Variants in GRIK2 observed in about 807,000 individuals in gnomAD.
GRIK2 encodes glutamate ionotropic receptor kainate type subunit 2.
In GRIK2, 32 loss-of-function variants were observed where a neutral mutation model predicts 100.3. The observed-to-expected ratio is 0.32, with a 90% CI of 0.24 to 0.43. GRIK2 has a LOEUF of 0.43. GRIK2 is among the 20% of genes least tolerant of loss of function. The pLI, the probability that GRIK2 is intolerant of heterozygous loss-of-function variation, is 1.00. For synonymous variants in GRIK2, 417 were observed against 389.4 expected (o/e 1.07, Z -0.83); for missense variants, 843 against 1,114.9 (o/e 0.76, Z 3.47).
In GRIK2 at chr6:101,435,826, T is replaced by C. The variant is rs142361858; in HGVS notation, c.115+36434T>C. Among the ~76,000 whole-genome samples, 22 of 152,232 alleles carry C rather than the reference T, an allele frequency of 1.4e-4. 1 individual carries two copies. The East Asian group carries it at 3.9e-3, about 27-fold the overall frequency. ...TTTTTTCTTCCCTTACTTCTCAAGT[T>C]TAATCATTTTTTCAGGACTTGGAGA... On this transcript the variant is annotated intron_variant, in intron 2 of 16. Transcript: ENST00000369134.
chr6:102,038,992 C>CA (rs1354019471), intron 15 of GRIK2, among the ~76,000 whole-genome samples: 1 of 151,270 alleles, frequency 6.6e-6, no homozygotes, highest in East Asian at 1.9e-4. Flanking sequence ...TATTATGAGT[C>CA]TTTTTGAGTG....
chr6:101,860,953 C>T (rs537606214), intron 11 of GRIK2: 1 of 908,958 alleles, frequency 1.1e-6, no homozygotes, highest in East Asian at 1.2e-4. Context: ...AGACCTTTTC[C>T]CTGAAAACAT....
At chr6:101,955,027 C>T (rs1290477791) in intron 14 of GRIK2, among the ~76,000 whole-genome samples, 1 of 152,018 alleles carries the variant, frequency 6.6e-6, no homozygotes, top group Non-Finnish European at 1.5e-5. Flanking sequence ...TTTAAAACAA[C>T]CTCACATTAT....
At chr6:102,043,227 C>T (rs770554520) in intron 15 of GRIK2, among the ~76,000 whole-genome samples, 19 of 151,382 alleles carry the variant, frequency 1.3e-4, no homozygotes, top group Non-Finnish European at 2.8e-4. Context: ...TTTATGAATA[C>T]AATAAGGAAT....
At chr6:101,506,944 C>G (rs535558678) in intron 2 of GRIK2, among the ~76,000 whole-genome samples, 1 of 152,144 alleles carries the variant, frequency 6.6e-6, no homozygotes. Flanking sequence ...TGTTCACTTG[C>G]GTTATTCAGA....
At chr6:101,508,093 A>T (rs571411857) in intron 2 of GRIK2, among the ~76,000 whole-genome samples, 4,397 of 149,578 alleles carry the variant, frequency 0.029, 150 homozygotes, top group South Asian at 0.18. Flanking sequence ...GATTATTATT[A>T]TTTTTTTTTT....
chr6:101,799,335 T>C lies in GRIK2; in HGVS notation c.952-313T>C, dbSNP rs73761431. 4.8e-3 allele frequency among the ~76,000 whole-genome samples: 715 copies of C among 149,442 alleles called. 5 individuals carry two copies. The highest frequency in any genetic ancestry group is 0.016 in the African/African-American group (660 of 40,486). On this transcript the variant is annotated intron_variant, in intron 7 of 16. Coordinates refer to ENST00000369134, the MANE Select transcript of GRIK2 (RefSeq NM_021956.5). ...AGTGAGACAGAGTAAGAATCAGAGA[T>C]AGTGACAAAAAGGAAATAAAGCCTG...
intron 7 of GRIK2, among the ~76,000 whole-genome samples, chr6:101,770,667 T>C (rs1204720056): frequency 1.3e-5 from 2 of 152,188 alleles, no homozygotes; most frequent in African/African-American, 2.4e-5. Context: ...GCATTTGTTT[T>C]TGGAGTCCTT....
At chr6:101,407,873 C>T (rs1468676280) in intron 2 of GRIK2, among the ~76,000 whole-genome samples, 4 of 152,006 alleles carry the variant, frequency 2.6e-5, no homozygotes, top group South Asian at 4.2e-4. Context: ...GAGATTATTG[C>T]GGGCTTAAGT....
intron 10 of GRIK2, among the ~76,000 whole-genome samples, chr6:101,824,593 G>A (rs1782194115): frequency 6.6e-6 from 1 of 152,094 alleles, no homozygotes; most frequent in South Asian, 2.1e-4. Flanking sequence ...GCATTTAAAT[G>A]CTACTGCACA....
chr6:101,709,642 A>G (rs1297763120), intron 7 of GRIK2, among the ~76,000 whole-genome samples: 1 of 151,866 alleles, frequency 6.6e-6, no homozygotes, highest in Non-Finnish European at 1.5e-5. Flanking sequence ...TAATATAGAA[A>G]AAAAATGCTT....
At chr6:101,651,496 A>G (rs1360775153) in intron 4 of GRIK2, among the ~76,000 whole-genome samples, 1 of 152,142 alleles carries the variant, frequency 6.6e-6, no homozygotes, top group Non-Finnish European at 1.5e-5. Flanking sequence ...AGTGTCATAA[A>G]TATGTAAATT....
At chr6:102,067,058 A>T (rs2852620) in intron 16 of GRIK2, among the ~76,000 whole-genome samples, 58,082 of 151,542 alleles carry the variant, frequency 0.38, 11,484 homozygotes, top group Middle Eastern at 0.46. Context: ...TGACACACAG[A>T]TACCTAATTA....
At chr6:101,784,597 C>T (rs940532132) in intron 7 of GRIK2, among the ~76,000 whole-genome samples, 1 of 152,104 alleles carries the variant, frequency 6.6e-6, no homozygotes, top group Non-Finnish European at 1.5e-5. Context: ...ACCCAAATCT[C>T]ATCTCAAATT....
At chr6:101,786,123 G>C (rs1370160545) in intron 7 of GRIK2, among the ~76,000 whole-genome samples, 1 of 151,986 alleles carries the variant, frequency 6.6e-6, no homozygotes, top group African/African-American at 2.4e-5. Context: ...TTAGTTATTT[G>C]TGTATAAAAA....
chr6:101,672,293 G>T (rs1246705977), intron 4 of GRIK2, among the ~76,000 whole-genome samples: 1 of 152,054 alleles, frequency 6.6e-6, no homozygotes, highest in Admixed American at 6.6e-5. Flanking sequence ...CCTTGACATG[G>T]CTGATCACTC....
In GRIK2 at chr6:101,607,892, A is replaced by AGAG. The variant is rs535703363; in HGVS notation, c.116-14054_116-14052dup. Among the ~76,000 whole-genome samples, 110 of 151,922 alleles carry AGAG rather than the reference A, an allele frequency of 7.2e-4. 1 individual carries two copies. Among genetic ancestry groups the AGAG allele is most frequent in the Non-Finnish European group, 1.3e-3 (86 of 67,918 alleles). ...GGGGCAGGTCATGAACTCACCTTGCAGAGGAACCTTTGCCCATTCTTCTGA... is the reference window on the plus strand; with the variant it reads ...GGGGCAGGTCATGAACTCACCTTGCAGAGGAGGAACCTTTGCCCATTCTTCTGA... On this transcript the variant is annotated intron_variant, in intron 2 of 16. Transcript: ENST00000369134.
chr6:101,587,195 A>C (rs1423875476), intron 2 of GRIK2, among the ~76,000 whole-genome samples: 4 of 152,116 alleles, frequency 2.6e-5, no homozygotes, highest in Admixed American at 6.6e-5. Context: ...CTGGAAATGA[A>C]AACTATAGAT....
At chr6:101,742,089 A>G (rs1776066255) in intron 7 of GRIK2, among the ~76,000 whole-genome samples, 2 of 152,248 alleles carry the variant, frequency 1.3e-5, no homozygotes, top group African/African-American at 4.8e-5. Flanking sequence ...CTATCATACA[A>G]TTCTGCTTAA....
Sources: allele counts gnomAD v4.1 joint callset (sites outside exome capture counted in the v4.1 genomes callset), GRCh38; gene constraint gnomAD v4.1.1; transcripts MANE v1.5; gene names NCBI Gene and HGNC (gene_info 2026-07-23, HGNC 2026-07-21).